ZC3H13: variants seen among roughly 807,000 people sequenced by gnomAD.
ZC3H13 encodes zinc finger CCCH-type containing 13, also known as zinc finger CCCH domain-containing protein 13.
A neutral mutation model predicts 204.1 loss-of-function variants in ZC3H13; 64 were observed. The ratio of observed to expected loss-of-function variants is 0.31; its 90% confidence interval spans 0.26 to 0.39. The LOEUF is 0.39. ZC3H13 is among the 10% of genes least tolerant of loss of function. The pLI, the probability that ZC3H13 is intolerant of heterozygous loss-of-function variation, is 1.00. For missense variants in ZC3H13, 1,833 were observed against 2,082.7 expected (o/e 0.88, Z 2.33); for synonymous variants, 667 against 693.7 (o/e 0.96, Z 0.60).
chr13:46,018,286 T>G (rs1014422845), intron 5 of ZC3H13, among the ~76,000 whole-genome samples: 1 of 152,100 alleles, frequency 6.6e-6, no homozygotes, highest in African/African-American at 2.4e-5. Flanking sequence ...GAGAGTTGGG[T>G]CAGAAGACTG....
chr13:45,971,861 C>T (rs1277326226), intron 12 of ZC3H13, among the ~76,000 whole-genome samples: 2 of 151,940 alleles, frequency 1.3e-5, no homozygotes, highest in African/African-American at 4.8e-5. Flanking sequence ...AGACATTTCT[C>T]AAAAGAAGAC....
chr13:45,968,092 C>T, intron 14 of ZC3H13, 64 bp from the exon 15 acceptor site: 1 of 1,465,934 alleles, frequency 6.8e-7, no homozygotes, highest in Non-Finnish European at 9.1e-7. Context: ...CAAAATGCTT[C>T]ATTTCAAGGT....
At chr13:45,993,081 G>A (rs1179421275) in intron 8 of ZC3H13, among the ~76,000 whole-genome samples, 1 of 152,062 alleles carries the variant, frequency 6.6e-6, no homozygotes, top group Non-Finnish European at 1.5e-5. Flanking sequence ...GGGAGGACTG[G>A]AAACCAGTCT....
At chr13:45,972,725 C>A (rs1172834143) in intron 12 of ZC3H13, among the ~76,000 whole-genome samples, 1 of 152,202 alleles carries the variant, frequency 6.6e-6, no homozygotes, top group Non-Finnish European at 1.5e-5. Context: ...AAGCTCCTCT[C>A]CCATCAATAA....
intron 8 of ZC3H13, among the ~76,000 whole-genome samples, chr13:46,002,795 A>G (rs1445164346): frequency 3.9e-5 from 6 of 152,214 alleles, no homozygotes; most frequent in Non-Finnish European, 7.4e-5. Flanking sequence ...ATTTTTTGAC[A>G]GATACAGAGT....
chr13:45,968,984 T>C lies in ZC3H13; in HGVS notation c.3560A>G (p.Lys1187Arg), dbSNP rs1952330890. The change falls in exon 14 of 19, where the codon AAG becomes AGG. Residue 1187 changes from lysine (K) to arginine (R), a missense_variant. Transcript: ENST00000679008. ...ATTGCTCCCGAGGCTGCTGCTCCTC[T>C]TTTGATCCATAGGCTTGCGATGCTG... ...DAQHRKPMDQ[K>R]RSSSLGSNRS... is the part of the protein sequence containing the mutation. The C allele has an allele frequency of 3.7e-6, 6 of 1,614,246 alleles. No homozygotes were observed. The highest frequency in any genetic ancestry group is 5.1e-6 in the Non-Finnish European group (6 of 1,180,040).
At chr13:46,028,947 T>C (rs1213568035) in intron 4 of ZC3H13, among the ~76,000 whole-genome samples, 1 of 151,686 alleles carries the variant, frequency 6.6e-6, no homozygotes, top group African/African-American at 2.4e-5. Flanking sequence ...ACTTAAGAAT[T>C]AGAATGAAAA....
chr13:46,048,486 C>A (rs904282178), intron 1 of ZC3H13, among the ~76,000 whole-genome samples: 2 of 132,602 alleles, frequency 1.5e-5, no homozygotes, highest in African/African-American at 5.7e-5. Context: ...GAGGCTGAGG[C>A]GGGAGAATGG....
chr13:46,046,367 A>AT (rs1566368611), intron 1 of ZC3H13, among the ~76,000 whole-genome samples: 1 of 152,054 alleles, frequency 6.6e-6, no homozygotes, highest in East Asian at 1.9e-4. Flanking sequence ...ACATAAAAAT[A>AT]TTTTTTAAGG....
At chr13:45,981,152 T>C (rs927570721) in intron 10 of ZC3H13, among the ~76,000 whole-genome samples, 1 of 152,206 alleles carries the variant, frequency 6.6e-6, no homozygotes, top group African/African-American at 2.4e-5. Context: ...TGTGATAATT[T>C]AGGAATATCT....
intron 5 of ZC3H13, among the ~76,000 whole-genome samples, chr13:46,012,074 G>A (rs1290101236): frequency 1.3e-5 from 2 of 152,044 alleles, no homozygotes; most frequent in African/African-American, 2.4e-5. Flanking sequence ...AGTAATTTTA[G>A]TACTAATGTG....
At chr13:46,020,587 A>T in intron 4 of ZC3H13, 30 bp from the exon 5 acceptor site, 11 of 1,425,010 alleles carry the variant, frequency 7.7e-6, no homozygotes, top group Non-Finnish European at 1.1e-5. Flanking sequence ...CATTCAGATT[A>T]CTATATTTTT....
At chr13:46,045,122 T>G in intron 2 of ZC3H13, 58 bp from the exon 3 acceptor site, 1 of 1,442,084 alleles carries the variant, frequency 6.9e-7, no homozygotes, top group Non-Finnish European at 9.5e-7. Flanking sequence ...AAAAAAATGC[T>G]AGCGGGACAA....
Position 45,975,757 on chromosome 13 carries a change from A to G in ZC3H13, c.1994T>C (p.Val665Ala). The change falls in exon 12 of 19, where the codon GTA becomes GCA. Residue 665 changes from valine to alanine, a missense_variant. Coordinates refer to ENST00000679008, the MANE Select transcript of ZC3H13 (RefSeq NM_001330564.2). The stretch of plus-strand genomic sequence containing the variant: ...ATCTCTCCTATCATCCACTCTGTCT[A>G]CTCTTCGTTCCTCTCTTCTTTCATC... ...ERDERREERRVDRVDDRRDER... is the reference protein window; with the variant it reads ...ERDERREERRADRVDDRRDER... 6.2e-7 allele frequency: 1 copy of G among 1,611,636 alleles called. No homozygotes were observed. Among genetic ancestry groups the G allele is most frequent in the East Asian group, 2.2e-5 (1 of 44,764 alleles).
chr13:46,005,968 G>A (rs1443269784), intron 7 of ZC3H13, among the ~76,000 whole-genome samples: 17 of 151,576 alleles, frequency 1.1e-4, no homozygotes, highest in Admixed American at 2.6e-4. Context: ...GGTGGCGCAC[G>A]CCTGTAATCC....
At chr13:45,985,866 T>C (rs1305027968) in intron 9 of ZC3H13, 105 bp from the exon 10 acceptor site, 1 of 1,043,770 alleles carries the variant, frequency 9.6e-7, no homozygotes, top group Non-Finnish European at 1.3e-6. Context: ...ATAATGACAA[T>C]TCGTGTTCTT....
rs2040200346 is a variant in ZC3H13 at position 45,994,590 on chromosome 13, G to C, written c.945-5493C>G. 2.0e-5 allele frequency among the ~76,000 whole-genome samples: 3 copies of C among 152,282 alleles called. No homozygotes were observed. In the South Asian group the frequency reaches 6.2e-4, roughly 32 times the overall value. On this transcript the variant is annotated intron_variant, in intron 8 of 18. Coordinates refer to ENST00000679008, the MANE Select transcript of ZC3H13 (RefSeq NM_001330564.2). Reference sequence around the variant, plus strand: ...GCTGTACCTACCAATGTGATCAAGGGTTAGAAAAAGACAAATAGCTGGTAT... The same window carrying C: ...GCTGTACCTACCAATGTGATCAAGGCTTAGAAAAAGACAAATAGCTGGTAT...
At chr13:46,034,445 T>C (rs1159466065) in intron 4 of ZC3H13, among the ~76,000 whole-genome samples, 1 of 152,150 alleles carries the variant, frequency 6.6e-6, no homozygotes, top group Admixed American at 6.6e-5. Flanking sequence ...AGAACATGAA[T>C]CAGCAATAAA....
rs777868013 is a variant in ZC3H13 at position 46,045,383 on chromosome 13, C to A, written c.117+8G>T. 1.9e-6 allele frequency: 3 copies of A among 1,609,160 alleles called. No individual in the cohort carries two copies. In the Admixed American group the frequency reaches 5.0e-5, roughly 27 times the overall value. The stretch of plus-strand genomic sequence containing the variant: ...AGAACCCCTGTGACTATACTAGTGA[C>A]AACTCACCTCTGCTGTACTGCCAGT... On this transcript the variant is annotated splice_region_variant and intron_variant, in intron 2 of 18. Transcript: ENST00000679008.
Sources: allele counts gnomAD v4.1 joint callset (sites outside exome capture counted in the v4.1 genomes callset), GRCh38; gene constraint gnomAD v4.1.1; transcripts MANE v1.5; gene names NCBI Gene and HGNC (gene_info 2026-07-23, HGNC 2026-07-21).